Variants in SUPV3L1 observed in about 807,000 individuals in gnomAD.
SUPV3L1 encodes ATP-dependent RNA helicase SUPV3L1, mitochondrial.
Under a neutral mutation model 70.0 loss-of-function variants are expected in SUPV3L1, and 35 were observed. The ratio of observed to expected loss-of-function variants is 0.50; its 90% confidence interval spans 0.38 to 0.66. The LOEUF is 0.66. SUPV3L1 is among the 30% of genes least tolerant of loss of function. The pLI is 0.00. For missense variants in SUPV3L1, 777 were observed against 961.5 expected (o/e 0.81, Z 2.54); for synonymous variants, 364 against 341.9 (o/e 1.06, Z -0.71).
Position 69,186,566 on chromosome 10 carries a change from C to G in SUPV3L1, c.457+16C>G. On this transcript the variant is annotated intron_variant, in intron 3 of 14. Coordinates refer to ENST00000359655, the MANE Select transcript of SUPV3L1 (RefSeq NM_003171.5). ...TTCGGTGCAGGCAAGTGTTTAGAGA[C>G]TTTTTAAAATCCTATTGAACATACC... 6.3e-7 allele frequency: 1 copy of G among 1,585,668 alleles called. No homozygotes were observed. Among genetic ancestry groups the G allele is most frequent in the Non-Finnish European group, 8.6e-7 (1 of 1,156,600 alleles).
intron 1 of SUPV3L1, among the ~76,000 whole-genome samples, chr10:69,182,011 T>C (rs1462265166): frequency 2.0e-5 from 3 of 151,466 alleles, no homozygotes; most frequent in African/African-American, 4.8e-5. Context: ...TTTTTTTTTT[T>C]AGAGACAGGG....
chr10:69,208,469 A>G, intron 14 of SUPV3L1, 131 bp from the exon 15 acceptor site: 1 of 996,970 alleles, frequency 1.0e-6, no homozygotes. Context: ...AGGTTGAGCA[A>G]AGGCACTGAA....
chr10:69,186,338 A>T, intron 2 of SUPV3L1, 105 bp from the exon 3 acceptor site: 1 of 663,364 alleles, frequency 1.5e-6, no homozygotes, highest in East Asian at 3.0e-5. Context: ...AAAAAAAAAA[A>T]AAAAAAGAAA....
chr10:69,191,887 A>G (rs2132281273), intron 6 of SUPV3L1, 121 bp downstream of exon 6: 4 of 617,474 alleles, frequency 6.5e-6, no homozygotes, highest in Non-Finnish European at 1.1e-5. Flanking sequence ...GCTCACTGCG[A>G]CCTCTGCCTC....
chr10:69,203,690 A>G (rs1842746228), intron 13 of SUPV3L1, among the ~76,000 whole-genome samples: 1 of 149,806 alleles, frequency 6.7e-6, no homozygotes, highest in African/African-American at 2.4e-5. Context: ...AAACTCTACC[A>G]AGGTTTATCA....
rs556171279 is a variant in SUPV3L1 at position 69,197,345 on chromosome 10, G to T, written c.1023+262G>T. Among the ~76,000 whole-genome samples, 7 of 152,298 alleles carry T rather than the reference G, an allele frequency of 4.6e-5. No homozygotes were observed. In the South Asian group the frequency reaches 1.2e-3, roughly 27 times the overall value. On this transcript the variant is annotated intron_variant, in intron 8 of 14. Transcript: ENST00000359655. ...GACAAAACCTTGTGGGGCTTGAGTA[G>T]ATCTCTTCGAATTAAATAAATCAGT...
chr10:69,184,651 A>ACACACACACT (rs768588865), intron 1 of SUPV3L1, among the ~76,000 whole-genome samples: 1 of 149,156 alleles, frequency 6.7e-6, no homozygotes, highest in African/African-American at 2.5e-5. Context: ...ACACACACAC[A>ACACACACACT]CTGTGTGTGT....
At chr10:69,204,547 C>T (rs1842772115) in intron 13 of SUPV3L1, among the ~76,000 whole-genome samples, 1 of 151,542 alleles carries the variant, frequency 6.6e-6, no homozygotes, top group Admixed American at 6.6e-5. Context: ...AAGACTCTGC[C>T]CTTTAAAAAA....
At chr10:69,192,999 C>G (rs1343456892) in intron 6 of SUPV3L1, 1 of 152,150 alleles carries the variant, frequency 6.6e-6, no homozygotes, top group African/African-American at 2.4e-5. Flanking sequence ...AGGTATAACC[C>G]ACCGCACCTG....
chr10:69,193,866 A>G (rs1323268389), intron 6 of SUPV3L1, among the ~76,000 whole-genome samples: 1 of 152,220 alleles, frequency 6.6e-6, no homozygotes, highest in African/African-American at 2.4e-5. Context: ...GAATAGAATA[A>G]GGTATTTGGA....
intron 13 of SUPV3L1, among the ~76,000 whole-genome samples, chr10:69,207,163 C>CTT (rs1842851658): frequency 6.6e-6 from 1 of 152,032 alleles, no homozygotes; most frequent in Admixed American, 6.5e-5. Context: ...TAAGAGTTAA[C>CTT]AGACTTAGGC....
chr10:69,197,447 C>G (rs1842571410), intron 8 of SUPV3L1, among the ~76,000 whole-genome samples: 1 of 152,216 alleles, frequency 6.6e-6, no homozygotes, highest in Admixed American at 6.5e-5. Flanking sequence ...CTTTGATACA[C>G]ATCTAATTGC....
chr10:69,196,804 T>A (rs1842554852), intron 7 of SUPV3L1, among the ~76,000 whole-genome samples, 188 bp from the exon 8 acceptor site: 1 of 152,194 alleles, frequency 6.6e-6, no homozygotes, highest in Non-Finnish European at 1.5e-5. Flanking sequence ...TTAATAAAAA[T>A]TGGATAATCT....
At chr10:69,195,300 A>G (rs5018859) in intron 7 of SUPV3L1, 35 bp downstream of exon 7, 324,427 of 1,537,872 alleles carry the variant, frequency 0.21, 37,316 homozygotes, top group Non-Finnish European at 0.23. Flanking sequence ...CCCGTGCTTT[A>G]TGACATCTGC....
chr10:69,180,305 G>A lies in SUPV3L1; in HGVS notation c.14G>A (p.Arg5His), dbSNP rs754199713. ...CCTGCGGCCTCGATGTCCTTCTCCC[G>A]TGCCCTATTGTGGGCTCGGCTCCCG... MSFS[R>H]ALLWARLPAG... is the part of the protein sequence containing the mutation. Residue 5 changes from arginine (R) to histidine (H), a missense_variant, in exon 1 of 15, where the codon CGT becomes CAT. By Grantham distance (29) the Arg-to-His change is conservative (BLOSUM62 0). Coordinates refer to ENST00000359655, the MANE Select transcript of SUPV3L1 (RefSeq NM_003171.5). 8.1e-6 allele frequency: 13 copies of A among 1,613,568 alleles called. No individual in the cohort carries two copies. The highest frequency in any genetic ancestry group is 2.2e-5 in the South Asian group (2 of 91,046).
At chr10:69,189,518 T>G in intron 5 of SUPV3L1, 83 bp downstream of exon 5, 1 of 1,385,742 alleles carries the variant, frequency 7.2e-7, no homozygotes, top group South Asian at 1.5e-5. Context: ...TGTAGTAATT[T>G]ACTGTTAACA....
At chr10:69,195,988 C>T (rs1485309848) in intron 7 of SUPV3L1, among the ~76,000 whole-genome samples, 1 of 152,108 alleles carries the variant, frequency 6.6e-6, no homozygotes, top group Non-Finnish European at 1.5e-5. Context: ...TTCAAGCACT[C>T]TTCCCACCTC....
chr10:69,193,294 T>C (rs1394461237), intron 6 of SUPV3L1: 2 of 152,186 alleles, frequency 1.3e-5, no homozygotes, highest in East Asian at 1.9e-4. Context: ...CTTGCTTTTT[T>C]TCATTTTAAT....
At chr10:69,191,876 G>T in intron 6 of SUPV3L1, 110 bp downstream of exon 6, 1 of 707,028 alleles carries the variant, frequency 1.4e-6, no homozygotes, top group East Asian at 2.9e-5. Flanking sequence ...GTACTATCTC[G>T]GCTCACTGCG....
Sources: allele counts gnomAD v4.1 joint callset (sites outside exome capture counted in the v4.1 genomes callset), GRCh38; gene constraint gnomAD v4.1.1; transcripts MANE v1.5; gene names NCBI Gene and HGNC (gene_info 2026-07-23, HGNC 2026-07-21).